Variants in GPA33 observed in about 807,000 individuals in gnomAD.
GPA33 encodes glycoprotein A33.
In GPA33, 27 loss-of-function variants were observed where a neutral mutation model predicts 35.6. That is an observed-to-expected ratio of 0.76 (90% CI 0.56 to 1.04). GPA33 has a LOEUF of 1.04. Among genes scored for constraint, GPA33 ranks in the 50% least tolerant of loss-of-function variants. The pLI is 0.00. For synonymous variants in GPA33, 176 were observed against 164.0 expected (o/e 1.07, Z -0.56); for missense variants, 428 against 411.9 (o/e 1.04, Z -0.34).
intron 1 of GPA33, among the ~76,000 whole-genome samples, chr1:167,086,328 TGCATTTGCGG>T (rs1177782040): frequency 3.3e-5 from 5 of 152,250 alleles, no homozygotes. Context: ...ATCTTGCAGT[TGCATTTGCGG>T]GCTGACACCA....
chr1:167,079,973 A>G (rs1285474076), intron 1 of GPA33, among the ~76,000 whole-genome samples: 1 of 152,190 alleles, frequency 6.6e-6, no homozygotes, highest in Non-Finnish European at 1.5e-5. Flanking sequence ...CAGGTAGGAC[A>G]TCTAAGCTGG....
At chr1:167,057,209 T>C (rs980388650) in intron 4 of GPA33, among the ~76,000 whole-genome samples, 1 of 152,096 alleles carries the variant, frequency 6.6e-6, no homozygotes, top group African/African-American at 2.4e-5. Flanking sequence ...TCCTCCTGAA[T>C]CGAAGAGAAC....
At chr1:167,066,746 G>C (rs1230767063) in intron 3 of GPA33, among the ~76,000 whole-genome samples, 1 of 152,232 alleles carries the variant, frequency 6.6e-6, no homozygotes, top group African/African-American at 2.4e-5. Context: ...GAGGGGAAAC[G>C]GAACCAGTCG....
intron 4 of GPA33, 95 bp downstream of exon 4, chr1:167,063,487 A>G: frequency 9.2e-7 from 1 of 1,091,856 alleles, no homozygotes; most frequent in Non-Finnish European, 1.3e-6. Context: ...CTTCAGGGGG[A>G]TCTGATCGGT....
At chr1:167,076,080 A>G (rs908167511) in intron 1 of GPA33, among the ~76,000 whole-genome samples, 4 of 152,214 alleles carry the variant, frequency 2.6e-5, no homozygotes, top group Non-Finnish European at 5.9e-5. Context: ...TTTGCTGGAA[A>G]GGGAAGAGAG....
At chr1:167,087,702 G>A (rs993789747) in intron 1 of GPA33, among the ~76,000 whole-genome samples, 13 of 152,032 alleles carry the variant, frequency 8.6e-5, no homozygotes, top group African/African-American at 2.9e-4. Context: ...TTATTGCGAG[G>A]TCAAGAGTTC....
At chr1:167,054,864 G>A in intron 6 of GPA33, 112 bp downstream of exon 6, 2 of 1,200,980 alleles carry the variant, frequency 1.7e-6, no homozygotes, top group Non-Finnish European at 1.2e-6. Context: ...AGCACAAAAT[G>A]GGGGTGATAT....
intron 2 of GPA33, among the ~76,000 whole-genome samples, chr1:167,071,649 TG>T (rs886505356): frequency 2.6e-5 from 4 of 152,150 alleles, no homozygotes; most frequent in African/African-American, 9.7e-5. Context: ...GATCAGTCCA[TG>T]GATACCGGTC....
At chr1:167,068,427 A>G (rs1481727109) in intron 3 of GPA33, among the ~76,000 whole-genome samples, 1 of 152,216 alleles carries the variant, frequency 6.6e-6, no homozygotes, top group Non-Finnish European at 1.5e-5. Context: ...GACACATTTC[A>G]AAGGGAGCAG....
chr1:167,054,962 GC>G lies in GPA33; in HGVS notation c.827+13del. 6.2e-7 allele frequency: 1 copy of G among 1,613,910 alleles called. No homozygotes were observed. Among genetic ancestry groups the G allele is most frequent in the African/African-American group, 1.3e-5 (1 of 75,030 alleles). ...CCCAGACCCTTCCAACAGGCTACCA[GC>G]CCAGACACTCACGGCCTTGCATCCT... On this transcript the variant is annotated intron_variant, in intron 6 of 6. Coordinates refer to ENST00000367868, the MANE Select transcript of GPA33 (RefSeq NM_005814.3).
chr1:167,079,931 G>T lies in GPA33; in HGVS notation c.44-6392C>A, dbSNP rs371028697. ...CTCATTTTCTCTCCTGGGGGTCTTTGCATCCGTACTCAGTGAATGAGACCA... is the reference window on the plus strand; with the variant it reads ...CTCATTTTCTCTCCTGGGGGTCTTTTCATCCGTACTCAGTGAATGAGACCA... On this transcript the variant is annotated intron_variant, in intron 1 of 6. Transcript: ENST00000367868. Among the ~76,000 whole-genome samples, 3 of 152,114 alleles carry T rather than the reference G, an allele frequency of 2.0e-5. No individual in the cohort carries two copies. In the East Asian group the frequency reaches 5.8e-4, roughly 29 times the overall value.
At chr1:167,081,142 T>G (rs1666936290) in intron 1 of GPA33, among the ~76,000 whole-genome samples, 1 of 152,186 alleles carries the variant, frequency 6.6e-6, no homozygotes, top group Non-Finnish European at 1.5e-5. Context: ...TAATAAACGG[T>G]CTCTTGAGAA....
chr1:167,085,905 C>T (rs1451021300), intron 1 of GPA33, among the ~76,000 whole-genome samples: 1 of 152,170 alleles, frequency 6.6e-6, no homozygotes, highest in Non-Finnish European at 1.5e-5. Context: ...AGAGAGAAAC[C>T]CAGATCCTTC....
intron 1 of GPA33, among the ~76,000 whole-genome samples, chr1:167,078,209 T>A (rs1666862080): frequency 6.6e-6 from 1 of 152,240 alleles, no homozygotes; most frequent in Admixed American, 6.5e-5. Context: ...ATTTAATATG[T>A]GCCTAGCATA....
intron 1 of GPA33, 38 bp from the exon 2 acceptor site, chr1:167,073,577 G>A (rs779435476): frequency 5.1e-6 from 8 of 1,564,310 alleles, no homozygotes; most frequent in East Asian, 2.3e-5. Context: ...AAAAGTAAGC[G>A]ACACGGACAG....
rs770732101 is a variant in GPA33 at position 167,055,710 on chromosome 1, C to A, written c.691+20G>T. The stretch of plus-strand genomic sequence containing the variant: ...TATCCTGTGGCGTTTGTCAGCCCTC[C>A]CCCCGCAGGCTGCTCTTACGAGATC... On this transcript the variant is annotated intron_variant, in intron 5 of 6. Coordinates refer to ENST00000367868, the MANE Select transcript of GPA33 (RefSeq NM_005814.3). 1 of 1,610,526 alleles carries A rather than the reference C, an allele frequency of 6.2e-7. No individual in the cohort carries two copies. Among genetic ancestry groups the A allele is most frequent in the African/African-American group, 1.3e-5 (1 of 74,930 alleles).
chr1:167,077,046 A>C (rs1340752221), intron 1 of GPA33, among the ~76,000 whole-genome samples: 2 of 152,112 alleles, frequency 1.3e-5, no homozygotes, highest in Non-Finnish European at 2.9e-5. Flanking sequence ...CCTCTACTAA[A>C]AATACAAAAA....
At chr1:167,087,209 C>T (rs1016535942) in intron 1 of GPA33, among the ~76,000 whole-genome samples, 19 of 152,090 alleles carry the variant, frequency 1.2e-4, no homozygotes, top group African/African-American at 4.6e-4. Context: ...CACGTGTCTG[C>T]CATCTCAGAG....
chr1:167,059,173 G>T (rs1336179255), intron 4 of GPA33, among the ~76,000 whole-genome samples: 1 of 152,142 alleles, frequency 6.6e-6, no homozygotes, highest in Non-Finnish European at 1.5e-5. Context: ...GATGCAAACC[G>T]TGTGCACTGG....
Sources: gnomAD v4.1 joint callset for allele counts (sites outside exome capture counted in the v4.1 genomes callset) on GRCh38, gnomAD v4.1.1 for gene constraint, MANE v1.5 for transcripts, NCBI Gene and HGNC (gene_info 2026-07-23, HGNC 2026-07-21) for gene names.